ALDH3B2: variants seen among roughly 807,000 people sequenced by gnomAD.
ALDH3B2 encodes the protein aldehyde dehydrogenase family 3 member B2.
In ALDH3B2, 45 loss-of-function variants were observed where a neutral mutation model predicts 36.7. The ratio of observed to expected loss-of-function variants is 1.23; its 90% CI spans 0.97 to 1.57. ALDH3B2 has a LOEUF of 1.57. ALDH3B2 is among the 40% of genes most tolerant of loss of function. The pLI is 0.00. For missense variants in ALDH3B2, 464 were observed against 513.3 expected (o/e 0.90, Z 0.93); for synonymous variants, 217 against 226.5 (o/e 0.96, Z 0.38).
chr11:67,666,066 C>A, intron 6 of ALDH3B2, 56 bp downstream of exon 6: 1 of 1,592,668 alleles, frequency 6.3e-7, no homozygotes, highest in South Asian at 1.1e-5. Flanking sequence ...ACCCTCCCAC[C>A]CTCTCTCCTG....
chr11:67,663,035 C>T, exon 10 of ALDH3B2: 1 of 782,494 alleles, frequency 1.3e-6, no homozygotes, highest in Non-Finnish European at 2.0e-6. Context: ...CAGCGTCCCC[C>T]AGATAGAAGC....
At chr11:67,666,625 T>G in exon 4 of ALDH3B2, 1 of 1,613,926 alleles carries the variant, frequency 6.2e-7, no homozygotes, top group Non-Finnish European at 8.5e-7. Context: ...AGTGGGTAGT[T>G]CCAGGGTGCG....
chr11:67,677,877 CA>C (rs1856299317), upstream of ALDH3B2, among the ~76,000 whole-genome samples: 1 of 151,692 alleles, frequency 6.6e-6, no homozygotes, highest in African/African-American at 2.4e-5. Context: ...AACAAAAAAA[CA>C]AAACAAAACA....
intron 1 of ALDH3B2, among the ~76,000 whole-genome samples, chr11:67,669,853 T>C: frequency 7.0e-6 from 1 of 142,686 alleles, no homozygotes; most frequent in Non-Finnish European, 1.5e-5. Context: ...TGGGTGTGTG[T>C]GTCCACGTGT....
At chr11:67,674,270 A>G (rs1260246898) in intron 1 of ALDH3B2, among the ~76,000 whole-genome samples, 166 bp downstream of exon 1, 2 of 152,152 alleles carry the variant, frequency 1.3e-5, no homozygotes, top group African/African-American at 4.8e-5. Context: ...TCTCCTGAGC[A>G]AGCCCCGTAC....
At chr11:67,663,391 C>T in exon 10 of ALDH3B2, 1 of 1,611,276 alleles carries the variant, frequency 6.2e-7, no homozygotes, top group Non-Finnish European at 8.5e-7. Context: ...CGGCCCATCC[C>T]ACTGTGGCCT....
intron 3 of ALDH3B2, 52 bp downstream of exon 3, chr11:67,666,854 G>A: frequency 1.9e-6 from 3 of 1,613,860 alleles, no homozygotes; most frequent in Non-Finnish European, 1.7e-6. Flanking sequence ...GCCTGGGCCA[G>A]AGCTACCCGG....
At chr11:67,671,270 C>G (rs1018511130) in intron 1 of ALDH3B2, 1 of 152,286 alleles carries the variant, frequency 6.6e-6, no homozygotes, top group Non-Finnish European at 1.5e-5. Flanking sequence ...GTCGCCTGTC[C>G]TCACATGTGC....
At chr11:67,669,310 CTGTA>C (rs2134143353) in intron 1 of ALDH3B2, among the ~76,000 whole-genome samples, 2 of 99,580 alleles carry the variant, frequency 2.0e-5, no homozygotes, top group South Asian at 6.6e-4. Flanking sequence ...GTGTCTGTGT[CTGTA>C]TGGGTGTCTG....
intron 1 of ALDH3B2, among the ~76,000 whole-genome samples, chr11:67,671,915 A>G (rs1341235967): frequency 6.7e-6 from 1 of 149,176 alleles, no homozygotes; most frequent in African/African-American, 2.5e-5. Context: ...CCTCCTTTGG[A>G]AAGGCTCATC....
exon 6 of ALDH3B2, chr11:67,666,140 C>G: frequency 6.2e-7 from 1 of 1,614,092 alleles, no homozygotes; most frequent in Middle Eastern, 1.7e-4. Context: ...AAGATGTAGT[C>G]CAACTTGTGC....
chr11:67,666,004 G>T, intron 6 of ALDH3B2, 118 bp downstream of exon 6: 2 of 1,321,926 alleles, frequency 1.5e-6, no homozygotes, highest in Non-Finnish European at 2.1e-6. Flanking sequence ...CTCTGTGCCA[G>T]CTCCAGCTCC....
At chr11:67,678,598 T>TAC (rs963025549), upstream of ALDH3B2, among the ~76,000 whole-genome samples, 7 of 151,080 alleles carry the variant, frequency 4.6e-5, no homozygotes, top group Admixed American at 4.0e-4. Context: ...GATATATATA[T>TAC]ACACACACAC....
exon 6 of ALDH3B2, chr11:67,666,151 T>C (rs199585977): frequency 5.9e-5 from 96 of 1,614,032 alleles, no homozygotes; most frequent in Non-Finnish European, 7.5e-5. Flanking sequence ...CAACTTGTGC[T>C]CTAGCAGCTG....
chr11:67,670,210 G>C (rs4930471), intron 1 of ALDH3B2, among the ~76,000 whole-genome samples: 2 of 17,104 alleles, frequency 1.2e-4, no homozygotes, highest in Admixed American at 8.0e-4. Context: ...GTATGGGTGT[G>C]TGTGTCCACG....
intron 8 of ALDH3B2, chr11:67,664,147 G>GCA (rs1855830743): frequency 1.6e-6 from 1 of 616,474 alleles, no homozygotes; most frequent in Non-Finnish European, 2.8e-6. Flanking sequence ...CAGAACCTTT[G>GCA]CACAGTCCAA....
intron 6 of ALDH3B2, 105 bp downstream of exon 6, chr11:67,666,017 A>C (rs1020559479): frequency 1.4e-6 from 2 of 1,395,426 alleles, no homozygotes; most frequent in Non-Finnish European, 2.0e-6. Context: ...CCAGCTCCCC[A>C]CGTGCCCCCA....
Position 67,663,765 on chromosome 11 carries a change from C to A in ALDH3B2, c.874-4G>T. 1.2e-6 allele frequency: 2 copies of A among 1,608,282 alleles called. No homozygotes were observed. Among genetic ancestry groups the A allele is most frequent in the Non-Finnish European group, 1.7e-6 (2 of 1,175,680 alleles). On this transcript the variant is annotated splice_polypyrimidine_tract_variant and splice_region_variant and intron_variant, in intron 8 of 9. Transcript: ENST00000349015. ...GCTCCAGCATCTGGTTCACAACCTG[C>A]CAGGGAGTGAGAAGGTGGGTGTTGG... is the stretch of plus-strand genomic sequence containing the variant.
intron 1 of ALDH3B2, among the ~76,000 whole-genome samples, chr11:67,673,327 C>A (rs1176777662): frequency 6.6e-6 from 1 of 152,198 alleles, no homozygotes; most frequent in Non-Finnish European, 1.5e-5. Context: ...GGTGACCACC[C>A]CAGACTTGGC....
Sources: gnomAD v4.1 joint callset for allele counts (sites outside exome capture counted in the v4.1 genomes callset) on GRCh38, gnomAD v4.1.1 for gene constraint, MANE v1.5 for transcripts, NCBI Gene and HGNC (gene_info 2026-07-23, HGNC 2026-07-21) for gene names.